The following COL19A1 variants were observed in gnomAD, a reference collection of about 807,000 sequenced individuals.
COL19A1 encodes collagen type XIX alpha 1 chain, also known as collagen alpha-1(XIX) chain.
COL19A1 carries 159 observed loss-of-function variants against 190.2 expected under a neutral mutation model. That is an observed-to-expected ratio of 0.84 (90% CI 0.73 to 0.95). The LOEUF is 0.95. Among genes scored for constraint, COL19A1 ranks in the 40% least tolerant of loss-of-function variants. COL19A1 has a pLI of 0.00. For missense variants in COL19A1, 1,418 were observed against 1,431.9 expected (o/e 0.99, Z 0.16); for synonymous variants, 509 against 458.9 (o/e 1.11, Z -1.39).
intron 47 of COL19A1, 94 bp downstream of exon 47, chr6:70,188,339 AAAAC>A (rs1583126194): frequency 7.1e-7 from 1 of 1,403,734 alleles, no homozygotes; most frequent in Non-Finnish European, 9.4e-7. Flanking sequence ...TCAAATAAAT[AAAAC>A]AAACCTAAAC....
At chr6:69,919,379 G>A (rs768334068) in intron 4 of COL19A1, among the ~76,000 whole-genome samples, 2 of 152,106 alleles carry the variant, frequency 1.3e-5, no homozygotes, top group Non-Finnish European at 1.5e-5. Context: ...AGGTGTTTTG[G>A]CTTGTTAATG....
At chr6:69,947,616 T>C (rs1773896816) in intron 9 of COL19A1, among the ~76,000 whole-genome samples, 2 of 151,892 alleles carry the variant, frequency 1.3e-5, no homozygotes, top group African/African-American at 4.8e-5. Flanking sequence ...GCTGCACTGA[T>C]TATCAAGTGA....
chr6:70,021,974 G>A lies in COL19A1; in HGVS notation c.1027-1653G>A, dbSNP rs1239952045. ...TGCAGTTTTGTTTGTTTTGTATATT[G>A]TATGCGTTTCTTATGTCCCAGTGAT... On this transcript the variant is annotated intron_variant, in intron 11 of 50. Coordinates refer to ENST00000620364, the MANE Select transcript of COL19A1 (RefSeq NM_001858.6). Among the ~76,000 whole-genome samples the A allele has an allele frequency of 3.3e-5, 5 of 152,028 alleles. No homozygotes were observed. The East Asian group carries it at 9.7e-4, about 29-fold the overall frequency.
intron 15 of COL19A1, among the ~76,000 whole-genome samples, chr6:70,081,497 GA>G (rs879326332): frequency 6.0e-5 from 9 of 149,278 alleles, no homozygotes; most frequent in Non-Finnish European, 1.2e-4. Flanking sequence ...TTTTGAAAAT[GA>G]AAAAAAAACC....
intron 16 of COL19A1, among the ~76,000 whole-genome samples, chr6:70,115,579 G>A (rs1266570788): frequency 6.6e-6 from 1 of 152,102 alleles, no homozygotes; most frequent in Non-Finnish European, 1.5e-5. Context: ...GCATAACCTG[G>A]AGAGCAGGCA....
At chr6:69,872,599 C>T (rs895490158) in intron 1 of COL19A1, among the ~76,000 whole-genome samples, 2 of 152,144 alleles carry the variant, frequency 1.3e-5, no homozygotes, top group African/African-American at 2.4e-5. Flanking sequence ...GGGACAATGG[C>T]GTTTTAAAAT....
chr6:69,917,122 T>G (rs1223782831), intron 4 of COL19A1, among the ~76,000 whole-genome samples: 1 of 152,236 alleles, frequency 6.6e-6, no homozygotes, highest in Non-Finnish European at 1.5e-5. Context: ...TGAAGACACT[T>G]TTGGTGAAAT....
At chr6:70,067,921 A>G (rs537806104) in intron 14 of COL19A1, among the ~76,000 whole-genome samples, 5 of 152,178 alleles carry the variant, frequency 3.3e-5, no homozygotes, top group African/African-American at 1.2e-4. Flanking sequence ...ACTTTATATT[A>G]TTACAAGAAA....
At chr6:70,000,549 A>G (rs1403798779) in intron 11 of COL19A1, among the ~76,000 whole-genome samples, 13 of 152,128 alleles carry the variant, frequency 8.5e-5, no homozygotes, top group Admixed American at 7.9e-4. Context: ...TGACTTTTTA[A>G]TAATTGCCAT....
At chr6:70,024,157 A>T (rs1453180608) in intron 12 of COL19A1, among the ~76,000 whole-genome samples, 1 of 151,962 alleles carries the variant, frequency 6.6e-6, no homozygotes, top group African/African-American at 2.4e-5. Flanking sequence ...CAGGGATAAC[A>T]TTGCCTGTGA....
chr6:69,962,980 T>C, intron 11 of COL19A1, 110 bp downstream of exon 11: 1 of 695,414 alleles, frequency 1.4e-6, no homozygotes, highest in Non-Finnish European at 2.2e-6. Flanking sequence ...AATTCAATAA[T>C]TTTATAGACA....
chr6:70,047,000 A>T (rs1248715255), intron 14 of COL19A1, among the ~76,000 whole-genome samples: 1 of 152,068 alleles, frequency 6.6e-6, no homozygotes, highest in Non-Finnish European at 1.5e-5. Context: ...AATATCACCA[A>T]ATCACATTTT....
rs376578753 is a variant in COL19A1, at chr6:70,118,470, G to A, written c.1279-3410G>A. On this transcript the variant is annotated intron_variant, in intron 16 of 50. Coordinates refer to ENST00000620364, the MANE Select transcript of COL19A1 (RefSeq NM_001858.6). ...AGTCTCTGAAGGGTTCCTTCGGACCGCTAGGAGAGTTTGTATAAAGTATTG... is the reference window on the plus strand; with the variant it reads ...AGTCTCTGAAGGGTTCCTTCGGACCACTAGGAGAGTTTGTATAAAGTATTG... 1.9e-3 allele frequency among the ~76,000 whole-genome samples: 285 copies of A among 152,276 alleles called. 3 individuals are homozygous for A. Among genetic ancestry groups the A allele is most frequent in the African/African-American group, 6.5e-3 (269 of 41,570 alleles).
intron 4 of COL19A1, among the ~76,000 whole-genome samples, chr6:69,925,264 A>G (rs1772286359): frequency 6.6e-6 from 1 of 152,194 alleles, no homozygotes; most frequent in African/African-American, 2.4e-5. Flanking sequence ...ATTTTTGTAT[A>G]AGGTGTAAGG....
chr6:70,065,786 A>G (rs1781153362), intron 14 of COL19A1, among the ~76,000 whole-genome samples: 1 of 152,216 alleles, frequency 6.6e-6, no homozygotes, highest in Non-Finnish European at 1.5e-5. Flanking sequence ...ACCCCATCAA[A>G]AAGTGGGCAA....
At chr6:70,053,382 C>A (rs1780316449) in intron 14 of COL19A1, among the ~76,000 whole-genome samples, 1 of 151,974 alleles carries the variant, frequency 6.6e-6, no homozygotes, top group Non-Finnish European at 1.5e-5. Context: ...GGGTTTTTTT[C>A]TGACTTTGAT....
Position 69,969,928 on chromosome 6 carries a change from A to G in COL19A1, c.1026+7058A>G, listed in dbSNP as rs117230803. On this transcript the variant is annotated intron_variant, in intron 11 of 50. Coordinates refer to ENST00000620364, the MANE Select transcript of COL19A1 (RefSeq NM_001858.6). ...TCCTCAAGGTGAAGGCAGGGATCCA[A>G]AAAGAGGAAGCAGAAGCATATAAAG... Among the ~76,000 whole-genome samples, 444 of 152,308 alleles carry G rather than the reference A, an allele frequency of 2.9e-3. 16 individuals carry two copies. In the East Asian group the frequency reaches 0.073, roughly 25 times the overall value.
chr6:70,130,917 A>G (rs942012221), intron 18 of COL19A1: 1 of 201,076 alleles, frequency 5.0e-6, no homozygotes, highest in African/African-American at 2.4e-5. Context: ...AATTACCAAA[A>G]CATAAGCTGC....
intron 15 of COL19A1, among the ~76,000 whole-genome samples, chr6:70,090,705 G>T (rs143889372): frequency 6.6e-6 from 1 of 152,106 alleles, no homozygotes; most frequent in African/African-American, 2.4e-5. Context: ...ATCTACCTAA[G>T]CAGGTGCTTA....
Sources: gnomAD v4.1 joint callset for allele counts (sites outside exome capture counted in the v4.1 genomes callset) on GRCh38, gnomAD v4.1.1 for gene constraint, MANE v1.5 for transcripts, NCBI Gene and HGNC (gene_info 2026-07-23, HGNC 2026-07-21) for gene names.